The following RIMBP2 variants were observed in gnomAD, a reference collection of about 807,000 sequenced individuals.
RIMBP2 encodes the protein RIMS-binding protein 2.
A neutral mutation model predicts 118.6 loss-of-function variants in RIMBP2; 48 were observed. The ratio of observed to expected loss-of-function variants is 0.40; its 90% CI spans 0.32 to 0.51. RIMBP2 has a LOEUF of 0.51. Among genes scored for constraint, RIMBP2 ranks in the 20% least tolerant of loss-of-function variants. RIMBP2 has a pLI of 0.41. For missense variants in RIMBP2, 1,551 were observed against 1,768.3 expected (o/e 0.88, Z 2.20); for synonymous variants, 762 against 742.9 (o/e 1.03, Z -0.42).
chr12:130,461,826 C>G (rs1354295570), intron 6 of RIMBP2, among the ~76,000 whole-genome samples: 2 of 152,156 alleles, frequency 1.3e-5, no homozygotes, highest in Non-Finnish European at 2.9e-5. Context: ...GCCAGCACAC[C>G]CCCTGTACAG....
chr12:130,586,736 C>T (rs1256312339), intron 2 of RIMBP2, among the ~76,000 whole-genome samples: 2 of 119,814 alleles, frequency 1.7e-5, no homozygotes, highest in Non-Finnish European at 1.7e-5. Flanking sequence ...TAGAAGAAAA[C>T]CTAGGCATTA....
chr12:130,694,738 G>A (rs2065489826), intron 1 of RIMBP2, among the ~76,000 whole-genome samples: 2 of 152,206 alleles, frequency 1.3e-5, no homozygotes, highest in Admixed American at 1.3e-4. Context: ...AGCAGACACT[G>A]ACAAAAGTGA....
rs1045558404 is a variant in RIMBP2 at position 130,703,558 on chromosome 12, C to T, written c.-352+12664G>A. On this transcript the variant is annotated intron_variant, in intron 1 of 22. Transcript: ENST00000690449. The surrounding 1 kb of genome is among the most constrained non-coding windows in gnomAD (Gnocchi z 5.7). ...CAGGGCTGAGCCGCAGTCTGAGGGC[C>T]GGGCCCTGGCATGGGCTCCATCAGA... 7.2e-5 allele frequency among the ~76,000 whole-genome samples: 11 copies of T among 152,312 alleles called. No homozygotes were observed. The highest frequency in any genetic ancestry group is 3.3e-4 in the Admixed American group (5 of 15,310).
rs778974329 is a variant in RIMBP2 at position 130,469,176 on chromosome 12, G to A, written c.153+1517C>T. ...GCATGCTGTCCAAGGTGTTCTGCGCGAAGAGCAAAGCAAGACAGTTACAGA... is the reference window on the plus strand; with the variant it reads ...GCATGCTGTCCAAGGTGTTCTGCGCAAAGAGCAAAGCAAGACAGTTACAGA... On this transcript the variant is annotated intron_variant, in intron 6 of 22. Transcript: ENST00000690449. This position sits in a 1 kb window ranked among gnomAD's most constrained non-coding sequence, Gnocchi z 4.8. The A allele has an allele frequency of 6.6e-6, 1 of 152,652 alleles. No individual in the cohort carries two copies. The highest frequency in any genetic ancestry group is 1.5e-5 in the Non-Finnish European group (1 of 68,052). 9.5% of individuals were successfully genotyped at this position (152,652 alleles called of 1,614,324 possible).
chr12:130,556,176 T>A (rs1051103036), intron 2 of RIMBP2, among the ~76,000 whole-genome samples: 2 of 152,168 alleles, frequency 1.3e-5, no homozygotes, highest in African/African-American at 4.8e-5. Flanking sequence ...GTTTTGTTTA[T>A]CACTCCACAG....
chr12:130,399,093 G>C (rs371635863), intron 22 of RIMBP2: 2 of 1,324,308 alleles, frequency 1.5e-6, no homozygotes, highest in African/African-American at 3.0e-5. Flanking sequence ...ATCTTTATCG[G>C]TATCTTCAGT....
intron 4 of RIMBP2, among the ~76,000 whole-genome samples, chr12:130,486,419 G>A (rs2082483034): frequency 6.6e-6 from 1 of 152,074 alleles, no homozygotes; most frequent in Admixed American, 6.5e-5. Flanking sequence ...CAGCTTTGAG[G>A]TTTTAATTGC....
At chr12:130,597,421 T>G (rs968274499) in intron 2 of RIMBP2, among the ~76,000 whole-genome samples, 1 of 152,162 alleles carries the variant, frequency 6.6e-6, no homozygotes, top group Admixed American at 6.5e-5. Context: ...TTTTTGTATT[T>G]TTAGTAGAGA....
In RIMBP2 at chr12:130,478,988, T is replaced by C. The variant is rs1464585501; in HGVS notation, c.26A>G (p.Gln9Arg). Residue 9 changes from glutamine to arginine, a missense_variant, in exon 5 of 23, where the codon CAG becomes CGG. This residue lies in a region of RIMBP2 where 239 missense variants were observed against 256.8 expected (regional missense o/e 0.93). Coordinates refer to ENST00000690449, the MANE Select transcript of RIMBP2 (RefSeq NM_001393629.1). MREAAERR[Q>R]QLQLEHDQAL... ...CTGGTCATGCTCCAACTGCAGCTGCTGCCGCCGTTCAGCCGCCTCTCGCAT... is the reference window on the plus strand; with the variant it reads ...CTGGTCATGCTCCAACTGCAGCTGCCGCCGCCGTTCAGCCGCCTCTCGCAT... 6.2e-7 allele frequency: 1 copy of C among 1,613,766 alleles called. No individual in the cohort carries two copies. The highest frequency in any genetic ancestry group is 1.3e-5 in the African/African-American group (1 of 75,044).
At chr12:130,533,497 G>A (rs1222065572) in intron 2 of RIMBP2, among the ~76,000 whole-genome samples, 1 of 152,188 alleles carries the variant, frequency 6.6e-6, no homozygotes, top group Non-Finnish European at 1.5e-5. Flanking sequence ...CACTATGGAT[G>A]TTTCCCAAGG....
At chr12:130,582,040 G>A (rs1005683088) in intron 2 of RIMBP2, among the ~76,000 whole-genome samples, 10 of 151,896 alleles carry the variant, frequency 6.6e-5, no homozygotes, top group South Asian at 2.1e-4. Context: ...GAATACCCAC[G>A]TGGCTCACTT....
At chr12:130,565,908 A>G (rs1028718697) in intron 2 of RIMBP2, among the ~76,000 whole-genome samples, 3 of 152,224 alleles carry the variant, frequency 2.0e-5, no homozygotes, top group African/African-American at 7.2e-5. Flanking sequence ...TGTCTTTAAA[A>G]TAATATTGTT....
chr12:130,649,479 G>A (rs991519679), intron 1 of RIMBP2, among the ~76,000 whole-genome samples: 5 of 152,210 alleles, frequency 3.3e-5, no homozygotes, highest in South Asian at 2.1e-4. Flanking sequence ...AACAAGCCAC[G>A]TGGCCACCCA....
intron 1 of RIMBP2, among the ~76,000 whole-genome samples, chr12:130,693,392 G>A (rs2065423747): frequency 2.0e-5 from 3 of 149,412 alleles, no homozygotes; most frequent in Admixed American, 2.0e-4. Flanking sequence ...AACGATGCCT[G>A]TGATGGGGGG....
At chr12:130,407,186 AC>A (rs1296994633) in intron 20 of RIMBP2, among the ~76,000 whole-genome samples, 17 of 152,338 alleles carry the variant, frequency 1.1e-4, no homozygotes, top group African/African-American at 3.8e-4. Flanking sequence ...GTACTGTGTA[AC>A]ATGGGTTCAC....
At chr12:130,615,059 A>G (rs2060814683) in intron 2 of RIMBP2, among the ~76,000 whole-genome samples, 2 of 148,430 alleles carry the variant, frequency 1.3e-5, no homozygotes, top group Non-Finnish European at 3.0e-5. Context: ...ATACACATGT[A>G]TATTTCATAT....
intron 15 of RIMBP2, 21 bp downstream of exon 15, chr12:130,428,157 TC>T (rs748294044): frequency 1.0e-5 from 16 of 1,564,840 alleles, no homozygotes; most frequent in Middle Eastern, 1.7e-4. Context: ...GAGTGCAGGG[TC>T]CCCCTTCCCC....
At chr12:130,425,037 T>G (rs981620586) in intron 15 of RIMBP2, 179 bp from the exon 16 acceptor site, 102 of 362,386 alleles carry the variant, frequency 2.8e-4, no homozygotes, top group East Asian at 2.9e-4. Flanking sequence ...GAAAACAGAA[T>G]GGGTTACGGG....
At chr12:130,656,334 G>T (rs2063428504) in intron 1 of RIMBP2, among the ~76,000 whole-genome samples, 1 of 152,162 alleles carries the variant, frequency 6.6e-6, no homozygotes, top group Non-Finnish European at 1.5e-5. Context: ...GCAGGGGCTA[G>T]AATTCTGCCC....
Sources: allele counts gnomAD v4.1 joint callset (sites outside exome capture counted in the v4.1 genomes callset), GRCh38; gene constraint gnomAD v4.1.1; regional missense constraint gnomAD v4.1.1; non-coding constraint Gnocchi (gnomAD v3.1); transcripts MANE v1.5; gene names NCBI Gene and HGNC (gene_info 2026-07-23, HGNC 2026-07-21).